Variants in FKBP5 observed in about 807,000 individuals in gnomAD.
FKBP5 encodes FKBP prolyl isomerase 5.
Under a neutral mutation model 50.5 loss-of-function variants are expected in FKBP5, and 23 were observed. The observed-to-expected ratio is 0.46, with a 90% CI of 0.33 to 0.65. The LOEUF (loss-of-function observed/expected upper bound fraction) is 0.65. Ranked by LOEUF, FKBP5 falls within the 30% of genes least tolerant of loss-of-function variation. FKBP5 has a pLI of 0.02. For missense variants in FKBP5, 411 were observed against 553.1 expected (o/e 0.74, Z 2.58); for synonymous variants, 176 against 190.6 (o/e 0.92, Z 0.63).
chr6:35,619,017 ATTT>A, intron 5 of FKBP5, 76 bp downstream of exon 5: 1 of 929,082 alleles, frequency 1.1e-6, no homozygotes, highest in Non-Finnish European at 1.7e-6. Flanking sequence ...TTCTACAAAC[ATTT>A]TTTTTTAAGT....
chr6:35,577,562 CAAACTTT>C (rs1368955497), intron 9 of FKBP5, among the ~76,000 whole-genome samples: 1 of 152,130 alleles, frequency 6.6e-6, no homozygotes, highest in Non-Finnish European at 1.5e-5. Context: ...GAGAAAAAGA[CAAACTTT>C]AAAACTACTG....
chr6:35,707,309 C>G (rs1299741629), intron 2 of FKBP5, among the ~76,000 whole-genome samples: 1 of 148,154 alleles, frequency 6.7e-6, no homozygotes, highest in Non-Finnish European at 1.5e-5. Context: ...CTCTGCCTCC[C>G]AGTTTCAAGC....
At chr6:35,576,329 CG>C (rs888629224) in intron 10 of FKBP5, among the ~76,000 whole-genome samples, 9 of 151,764 alleles carry the variant, frequency 5.9e-5, no homozygotes, top group African/African-American at 2.2e-4. Flanking sequence ...CTGGGAAAAT[CG>C]TAAGTCTTAC....
At chr6:35,633,940 T>A (rs948744021) in intron 3 of FKBP5, among the ~76,000 whole-genome samples, 3 of 152,160 alleles carry the variant, frequency 2.0e-5, no homozygotes, top group African/African-American at 7.2e-5. Context: ...TCTAGACAGG[T>A]GTGTCAGAGG....
At chr6:35,585,590 T>A (rs903577591) in intron 8 of FKBP5, 75 of 984,832 alleles carry the variant, frequency 7.6e-5, no homozygotes, top group Non-Finnish European at 8.0e-5. Context: ...CATACCCCCA[T>A]GCTTTCTGGT....
intron 8 of FKBP5, chr6:35,583,327 A>T (rs1471073082): frequency 1.0e-6 from 1 of 985,196 alleles, no homozygotes; most frequent in Non-Finnish European, 1.2e-6. Context: ...GAGGACAAAA[A>T]CCTAGATCTT....
At position 35,696,100 on chromosome 6, in the gene FKBP5, G is replaced by A. The variant is rs1171698084; in HGVS notation, c.-20+24228C>T. The stretch of plus-strand genomic sequence containing the variant: ...GCGGAGCTTGCGGTGAACCGAGATC[G>A]TGCCACTGCACTCCAGCCTGGGCGA... On this transcript the variant is annotated intron_variant, in intron 2 of 11. Coordinates refer to the FKBP5 transcript ENST00000536438. Among the ~76,000 whole-genome samples the A allele has an allele frequency of 1.4e-4, 20 of 142,832 alleles. No individual in the cohort carries two copies. The East Asian group carries it at 3.3e-3, about 24-fold the overall frequency. 93.7% of individuals were successfully genotyped at this position (142,832 alleles called of 152,430 possible).
At chr6:35,634,788 G>A (rs1038443084) in intron 3 of FKBP5, among the ~76,000 whole-genome samples, 2 of 152,064 alleles carry the variant, frequency 1.3e-5, no homozygotes, top group East Asian at 1.9e-4. Context: ...ATGTAACTCA[G>A]CCACCAACTT....
intron 5 of FKBP5, among the ~76,000 whole-genome samples, chr6:35,618,308 A>G (rs1452151569): frequency 2.0e-5 from 3 of 152,242 alleles, no homozygotes; most frequent in Admixed American, 6.5e-5. Flanking sequence ...GGCTGGTAGC[A>G]TGCCTGACAC....
intron 9 of FKBP5, among the ~76,000 whole-genome samples, chr6:35,579,768 G>A (rs1055182658): frequency 3.4e-4 from 51 of 152,216 alleles, no homozygotes; most frequent in African/African-American, 1.0e-3. Flanking sequence ...AAGGAAGGTC[G>A]TGGATAAAAA....
exon 2 of FKBP5, chr6:35,720,539 A>T (rs1161718580): frequency 6.6e-6 from 1 of 152,336 alleles, no homozygotes; most frequent in African/African-American, 2.4e-5. Flanking sequence ...TCCGGCAGCG[A>T]GGAATTTCCC....
chr6:35,665,809 C>G (rs191896750), intron 1 of FKBP5, among the ~76,000 whole-genome samples: 1 of 152,086 alleles, frequency 6.6e-6, no homozygotes, highest in Non-Finnish European at 1.5e-5. Context: ...GGTGAGAAGG[C>G]GATACACATT....
chr6:35,643,834 C>G (rs753530174), intron 1 of FKBP5, among the ~76,000 whole-genome samples: 1 of 152,158 alleles, frequency 6.6e-6, no homozygotes, highest in Non-Finnish European at 1.5e-5. Flanking sequence ...TAAGACTATG[C>G]GCCTGTTAGG....
chr6:35,724,936 C>T (rs1459713134), intron 1 of FKBP5, among the ~76,000 whole-genome samples: 1 of 152,142 alleles, frequency 6.6e-6, no homozygotes, highest in African/African-American at 2.4e-5. Context: ...AAGACCTGAA[C>T]CTCAACCTTG....
At chr6:35,707,122 G>A (rs535295644) in intron 2 of FKBP5, among the ~76,000 whole-genome samples, 3 of 150,422 alleles carry the variant, frequency 2.0e-5, no homozygotes, top group Admixed American at 6.6e-5. Context: ...AAAAGGACTC[G>A]TTTTTATTGT....
chr6:35,623,673 G>A (rs1215511094), intron 3 of FKBP5, among the ~76,000 whole-genome samples: 8 of 151,582 alleles, frequency 5.3e-5, no homozygotes, highest in Non-Finnish European at 1.2e-4. Context: ...AGGCTCAAGC[G>A]GTCCTCCCAC....
intron 8 of FKBP5, chr6:35,583,206 C>T: frequency 1.0e-6 from 1 of 985,452 alleles, no homozygotes; most frequent in Non-Finnish European, 1.2e-6. Context: ...TTTCCCCTGT[C>T]ATGCCTCATT....
intron 1 of FKBP5, among the ~76,000 whole-genome samples, chr6:35,653,729 T>C (rs1290093346): frequency 6.6e-6 from 1 of 152,180 alleles, no homozygotes; most frequent in Non-Finnish European, 1.5e-5. Context: ...TTCATCAGTA[T>C]ATCCATATTA....
At chr6:35,677,848 A>T (rs1765567485) in intron 1 of FKBP5, among the ~76,000 whole-genome samples, 1 of 151,722 alleles carries the variant, frequency 6.6e-6, no homozygotes, top group Non-Finnish European at 1.5e-5. Context: ...CAGTGGCATG[A>T]TCATGGCTCA....
Sources: gnomAD v4.1 joint callset for allele counts (sites outside exome capture counted in the v4.1 genomes callset) on GRCh38, gnomAD v4.1.1 for gene constraint, MANE v1.5 for transcripts, NCBI Gene and HGNC (gene_info 2026-07-23, HGNC 2026-07-21) for gene names.